DDX60: variants seen among roughly 807,000 people sequenced by gnomAD.
The protein encoded by DDX60 is probable ATP-dependent RNA helicase DDX60.
In DDX60, 165 loss-of-function variants were observed where a neutral mutation model predicts 212.8. The observed-to-expected ratio is 0.78, with a 90% CI of 0.68 to 0.88. The LOEUF (loss-of-function observed/expected upper bound fraction) is 0.88. DDX60 is among the 40% of genes least tolerant of loss of function. The pLI is 0.00. For synonymous variants in DDX60, 703 were observed against 685.3 expected (o/e 1.03, Z -0.40); for missense variants, 1,905 against 2,003.9 (o/e 0.95, Z 0.94).
intron 3 of DDX60, among the ~76,000 whole-genome samples, chr4:168,308,431 G>A (rs623333): frequency 0.4 from 60,072 of 151,734 alleles, 13,531 homozygotes; most frequent in African/African-American, 0.62. Flanking sequence ...CCAAAGCCAT[G>A]TGGCACAGCC....
intron 25 of DDX60, among the ~76,000 whole-genome samples, chr4:168,259,155 T>A (rs1734527081): frequency 6.6e-6 from 1 of 152,224 alleles, no homozygotes; most frequent in Non-Finnish European, 1.5e-5. Flanking sequence ...TCTATTGATT[T>A]GTCTTATATC....
chr4:168,226,059 T>A (rs72971449), intron 33 of DDX60, among the ~76,000 whole-genome samples: 2,951 of 152,184 alleles, frequency 0.019, 79 homozygotes, highest in African/African-American at 0.067. Context: ...AATCTCGTTT[T>A]GTTTTGAGGG....
chr4:168,244,660 G>A (rs2149500755), intron 30 of DDX60, among the ~76,000 whole-genome samples: 1 of 152,294 alleles, frequency 6.6e-6, no homozygotes, highest in South Asian at 2.1e-4. Flanking sequence ...GGGAGGCGGA[G>A]GTTGCAGTGA....
intron 15 of DDX60, 116 bp downstream of exon 15, chr4:168,275,899 A>G: frequency 1.1e-6 from 1 of 930,468 alleles, no homozygotes; most frequent in Non-Finnish European, 1.5e-6. Flanking sequence ...ACTACTAATA[A>G]TAGTATTTTC....
intron 14 of DDX60, among the ~76,000 whole-genome samples, chr4:168,276,971 CAGGGT>C (rs1423654884): frequency 6.6e-6 from 1 of 152,152 alleles, no homozygotes; most frequent in African/African-American, 2.4e-5. Context: ...AACAATAGGT[CAGGGT>C]GTTGGAGAGA....
rs759142577 is a variant in DDX60 at position 168,286,457 on chromosome 4, T to TAGATAGATAGATAGATAGATAGATAC, written c.1339+590_1339+591insGTATCTATCTATCTATCTATCTATCT. On this transcript the variant is annotated intron_variant, in intron 10 of 37. Transcript: ENST00000393743. Reference sequence around the variant, plus strand: ...AGATAGATAGATAGATAGATAGATATTACATATCAAGTATATTATGATAAT... The same window carrying TAGATAGATAGATAGATAGATAGATAC: ...AGATAGATAGATAGATAGATAGATATAGATAGATAGATAGATAGATAGATACTACATATCAAGTATATTATGATAAT... Among the ~76,000 whole-genome samples the TAGATAGATAGATAGATAGATAGATAC allele has an allele frequency of 2.0e-4, 27 of 134,080 alleles. No homozygotes were observed. In the East Asian group the frequency reaches 2.4e-3, roughly 12 times the overall value. 88.0% of individuals were successfully genotyped at this position (134,080 alleles called of 152,430 possible).
chr4:168,296,105 A>C (rs961733261), intron 6 of DDX60, among the ~76,000 whole-genome samples: 1 of 152,190 alleles, frequency 6.6e-6, no homozygotes, highest in African/African-American at 2.4e-5. Context: ...TACAACCAAT[A>C]ATAATGTCAT....
At chr4:168,297,647 T>C (rs4259028) in intron 6 of DDX60, among the ~76,000 whole-genome samples, 55,353 of 151,950 alleles carry the variant, frequency 0.36, 10,503 homozygotes, top group African/African-American at 0.47. Context: ...CTGGGCCAGG[T>C]GCGGTGGCTC....
chr4:168,279,701 T>C (rs1735505790), intron 14 of DDX60, among the ~76,000 whole-genome samples: 1 of 152,174 alleles, frequency 6.6e-6, no homozygotes, highest in African/African-American at 2.4e-5. Flanking sequence ...GCCAACGTGT[T>C]TGATAAAGAA....
intron 6 of DDX60, among the ~76,000 whole-genome samples, chr4:168,297,382 GAGAAAGAAAGAA>G (rs1378653476): frequency 2.5e-5 from 1 of 39,908 alleles, no homozygotes; most frequent in African/African-American, 2.7e-4. Context: ...AAGAAAGAAA[GAGAAAGAAAGAA>G]AGAAAGAAAG....
In DDX60 at chr4:168,314,982, C is replaced by T. The variant is rs556415557; in HGVS notation, c.-106-3617G>A. Among the ~76,000 whole-genome samples the T allele has an allele frequency of 3.3e-5, 5 of 152,172 alleles. No individual in the cohort carries two copies. In the East Asian group the frequency reaches 9.7e-4, roughly 29 times the overall value. ...AATAAAGAGAAAGACAGAAAAGGTA[C>T]AAAGAAATGGAAGTCAGGCCATATG... On this transcript the variant is annotated intron_variant, in intron 1 of 37. Transcript: ENST00000393743.
Position 168,220,671 on chromosome 4 carries a change from T to C in DDX60, c.5023A>G (p.Thr1675Ala). 1 of 1,478,322 alleles carries C rather than the reference T, an allele frequency of 6.8e-7. No homozygotes were observed. The highest frequency in any genetic ancestry group is 1.4e-5 in the South Asian group (1 of 68,974). The allele number at this position is 1,478,322 out of a possible 1,614,324, so 91.6% of individuals were successfully genotyped here. Residue 1675 changes from threonine to alanine, a missense_variant, in exon 37 of 38, where the codon ACC becomes GCC. By Grantham distance (58) the Thr-to-Ala change is moderately conservative (BLOSUM62 0). Coordinates refer to ENST00000393743, the MANE Select transcript of DDX60 (RefSeq NM_017631.6). ...ATAACACACCTGATAGATTTAATGG[T>C]GAGTGCAAAATCCTTCAACAAATAA... ...AYYLLKDFAL[T>A]IKSISVSLRE...
chr4:168,312,164 T>C (rs1392813940), intron 1 of DDX60, among the ~76,000 whole-genome samples: 1 of 152,142 alleles, frequency 6.6e-6, no homozygotes, highest in African/African-American at 2.4e-5. Flanking sequence ...TTGTCAAGGA[T>C]GACACAAGTT....
At chr4:168,238,632 T>C (rs920183870) in intron 30 of DDX60, among the ~76,000 whole-genome samples, 1 of 152,038 alleles carries the variant, frequency 6.6e-6, no homozygotes, top group Non-Finnish European at 1.5e-5. Context: ...TTTTGCAACC[T>C]CTTCGCTCTC....
Position 168,232,617 on chromosome 4 carries a change from C to T in DDX60, c.4533+3635G>A, listed in dbSNP as rs558578390. Reference sequence around the variant, plus strand: ...GAAAACATAAAATGGGGAAAGGACACCCTATTCAACACGTGGTGCTGGGAT... The same window carrying T: ...GAAAACATAAAATGGGGAAAGGACATCCTATTCAACACGTGGTGCTGGGAT... On this transcript the variant is annotated intron_variant, in intron 33 of 37. Transcript: ENST00000393743. Among the ~76,000 whole-genome samples, 7 of 152,114 alleles carry T rather than the reference C, an allele frequency of 4.6e-5. No homozygotes were observed. The South Asian group carries it at 1.5e-3, about 32-fold the overall frequency.
intron 33 of DDX60, among the ~76,000 whole-genome samples, chr4:168,230,768 C>T (rs1275401012): frequency 6.6e-6 from 1 of 152,004 alleles, no homozygotes; most frequent in Admixed American, 6.6e-5. Flanking sequence ...TCTAAGGTCA[C>T]CCCTCAAGGA....
intron 28 of DDX60, among the ~76,000 whole-genome samples, chr4:168,249,125 C>A (rs942174089): frequency 6.6e-6 from 1 of 152,164 alleles, no homozygotes; most frequent in Non-Finnish European, 1.5e-5. Flanking sequence ...AATACTTTTA[C>A]AAATCCACTT....
At chr4:168,321,310 G>A (rs567194961), upstream of DDX60, among the ~76,000 whole-genome samples, 1 of 152,120 alleles carries the variant, frequency 6.6e-6, no homozygotes, top group East Asian at 1.9e-4. Flanking sequence ...TGAACTCCAT[G>A]AGCCAACACT....
At chr4:168,287,852 TTAAA>T (rs1163176406) in intron 9 of DDX60, among the ~76,000 whole-genome samples, 5 of 152,086 alleles carry the variant, frequency 3.3e-5, no homozygotes, top group East Asian at 3.8e-4. Context: ...AGTGAAATAA[TTAAA>T]TTAATTAAAC....
Sources: allele counts gnomAD v4.1 joint callset (sites outside exome capture counted in the v4.1 genomes callset), GRCh38; gene constraint gnomAD v4.1.1; transcripts MANE v1.5; gene names NCBI Gene and HGNC (gene_info 2026-07-23, HGNC 2026-07-21).